Variants in UROS observed in about 807,000 individuals in gnomAD.
The protein encoded by UROS is uroporphyrinogen III synthase, also known as uroporphyrinogen-III synthase.
In UROS, 18 loss-of-function variants were observed where a neutral mutation model predicts 33.0. That is an observed-to-expected ratio of 0.55 (90% confidence interval 0.38 to 0.81). UROS has a LOEUF of 0.81. UROS is among the 30% of genes least tolerant of loss of function. The pLI, the probability that UROS is intolerant of heterozygous loss-of-function variation, is 0.00. For synonymous variants in UROS, 114 were observed against 121.1 expected (o/e 0.94, Z 0.38); for missense variants, 293 against 314.9 (o/e 0.93, Z 0.53).
downstream of UROS, chr10:125,788,463 T>A: frequency 1.1e-6 from 1 of 911,400 alleles, no homozygotes; most frequent in African/African-American, 1.7e-5. Context: ...AAACCTACTT[T>A]ATATAGAGCA....
At chr10:125,796,630 G>A (rs916695932) in intron 7 of UROS, among the ~76,000 whole-genome samples, 3 of 152,058 alleles carry the variant, frequency 2.0e-5, no homozygotes, top group Non-Finnish European at 2.9e-5. Context: ...GCCTCCACAT[G>A]GCCACGCGTC....
intron 6 of UROS, among the ~76,000 whole-genome samples, chr10:125,804,414 T>C (rs1157737458): frequency 6.6e-6 from 1 of 152,228 alleles, no homozygotes; most frequent in Non-Finnish European, 1.5e-5. Context: ...TGTTTATCTG[T>C]GTCCTTGTTA....
At chr10:125,821,224 T>G (rs990630784) in intron 1 of UROS, among the ~76,000 whole-genome samples, 9 of 152,212 alleles carry the variant, frequency 5.9e-5, no homozygotes, top group African/African-American at 2.2e-4. Flanking sequence ...AGCTAAAATG[T>G]AGAAGTAACC....
intron 5 of UROS, among the ~76,000 whole-genome samples, chr10:125,808,312 G>A (rs57383397): frequency 0.02 from 2,974 of 152,298 alleles, 104 homozygotes; most frequent in African/African-American, 0.067. Flanking sequence ...AGCCTGGTTA[G>A]TAACAAATGG....
intron 4 of UROS, among the ~76,000 whole-genome samples, chr10:125,813,379 A>T (rs1011457820): frequency 6.6e-6 from 1 of 152,252 alleles, no homozygotes; most frequent in Non-Finnish European, 1.5e-5. Flanking sequence ...TTTATTATAA[A>T]GCACCAGAAA....
chr10:125,820,884 T>A (rs904271899), intron 1 of UROS, among the ~76,000 whole-genome samples: 2 of 152,196 alleles, frequency 1.3e-5, no homozygotes, highest in African/African-American at 4.8e-5. Flanking sequence ...TGGTAAGCAA[T>A]CTACTACCTG....
At chr10:125,820,005 C>T (rs948845788) in intron 1 of UROS, among the ~76,000 whole-genome samples, 2 of 152,056 alleles carry the variant, frequency 1.3e-5, no homozygotes, top group Non-Finnish European at 2.9e-5. Flanking sequence ...AATAAGGGCA[C>T]CTTACTGGTA....
intron 6 of UROS, among the ~76,000 whole-genome samples, chr10:125,803,942 G>A (rs1795302583): frequency 1.3e-5 from 2 of 152,334 alleles, no homozygotes; most frequent in South Asian, 2.1e-4. Flanking sequence ...GAAGACCTCT[G>A]CCTTCTTTTG....
intron 9 of UROS, 178 bp from the exon 10 acceptor site, chr10:125,789,183 A>G: frequency 7.0e-7 from 1 of 1,420,180 alleles, no homozygotes; most frequent in Non-Finnish European, 9.4e-7. Flanking sequence ...AGCGTGCAAA[A>G]TACCTCTGCA....
chr10:125,798,145 C>T lies in UROS; in HGVS notation c.395G>A (p.Arg132Lys). ...AEKLAEYICS[R>K]ESSALPLLFP... ...TAGAAGAGGCAGTGCTGAGGACTCC[C>T]CTGTGAATAAATAACCAGGCTTTGT... The change falls in exon 7 of 10, where the codon AGG (arginine) becomes AAG (lysine). Residue 132 changes from arginine (R) to lysine (K), a missense_variant and splice_region_variant. Physicochemically the swap from Arg to Lys is conservative, Grantham distance 26 (BLOSUM62 2). Transcript: ENST00000368797. The T allele has an allele frequency of 6.2e-7, 1 of 1,613,726 alleles. No individual in the cohort carries two copies. The highest frequency in any genetic ancestry group is 8.5e-7 in the Non-Finnish European group (1 of 1,179,704).
Position 125,802,538 on chromosome 10 carries a change from A to G in UROS, c.395-4393T>C, listed in dbSNP as rs141946862. 6.8e-5 allele frequency: 68 copies of G among 999,272 alleles called. No individual in the cohort carries two copies. The African/African-American group carries it at 9.4e-4, about 14-fold the overall frequency. 61.9% of individuals were successfully genotyped at this position (999,272 alleles called of 1,614,324 possible). On this transcript the variant is annotated intron_variant, in intron 6 of 9. Transcript: ENST00000368797. Reference sequence around the variant, plus strand: ...CCAGAGGGCTTCTCCACACTGGTGCATGGAGAGGCCTCTTCCGAGAACACC... The same window carrying G: ...CCAGAGGGCTTCTCCACACTGGTGCGTGGAGAGGCCTCTTCCGAGAACACC...
At chr10:125,789,495 C>T (rs35711389) in intron 9 of UROS, 106 of 486,642 alleles carry the variant, frequency 2.2e-4, no homozygotes, top group African/African-American at 1.7e-3. Context: ...GACCTTGGCC[C>T]GTGGCCCATC....
chr10:125,802,060 A>G (rs1283964927), intron 6 of UROS: 6 of 985,364 alleles, frequency 6.1e-6, no homozygotes, highest in East Asian at 1.1e-4. Flanking sequence ...AGCAATGTCA[A>G]GATCTACCAT....
chr10:125,809,259 A>T (rs1852592966), intron 5 of UROS, among the ~76,000 whole-genome samples: 1 of 152,214 alleles, frequency 6.6e-6, no homozygotes, highest in African/African-American at 2.4e-5. Flanking sequence ...AGTGCCTACT[A>T]AATGGCGCCC....
Position 125,823,182 on chromosome 10 carries a change from C to G in UROS, c.-180G>C, listed in dbSNP as rs1200514471. On this transcript the variant is annotated 5_prime_UTR_variant, in exon 1 of 10. Transcript: ENST00000368797. Reference sequence around the variant, plus strand: ...AGCCCGAGGGGCCGCGGCGGCCACCCGCGCCGGGCCCCAGGACCCCGCACC... The same window carrying G: ...AGCCCGAGGGGCCGCGGCGGCCACCGGCGCCGGGCCCCAGGACCCCGCACC... 1 of 177,974 alleles carries G rather than the reference C, an allele frequency of 5.6e-6. No homozygotes were observed. Among genetic ancestry groups the G allele is most frequent in the Admixed American group, 6.2e-5 (1 of 16,014 alleles). The allele number at this position is 177,974 out of a possible 1,614,324, so 11.0% of individuals were successfully genotyped here.
chr10:125,804,004 C>G (rs1346196904), intron 6 of UROS, among the ~76,000 whole-genome samples: 2 of 152,262 alleles, frequency 1.3e-5, no homozygotes, highest in Non-Finnish European at 2.9e-5. Flanking sequence ...GTTTTCCTCC[C>G]TGTTCCAGGC....
intron 1 of UROS, among the ~76,000 whole-genome samples, chr10:125,821,153 T>C (rs904198495): frequency 1.3e-5 from 2 of 152,192 alleles, no homozygotes; most frequent in Non-Finnish European, 2.9e-5. Context: ...CCCCAAAGAA[T>C]TGAAAGCAGG....
At chr10:125,787,632 T>C (rs1162949394), downstream of UROS, among the ~76,000 whole-genome samples, 1 of 152,184 alleles carries the variant, frequency 6.6e-6, no homozygotes, top group African/African-American at 2.4e-5. Flanking sequence ...AGGTTCTTAG[T>C]TCCTGGGCAA....
At chr10:125,807,772 T>C (rs1852460847) in intron 5 of UROS, among the ~76,000 whole-genome samples, 1 of 152,084 alleles carries the variant, frequency 6.6e-6, no homozygotes, top group African/African-American at 2.4e-5. Context: ...ACCAACCACA[T>C]GGAACTGTTT....
Sources: allele counts gnomAD v4.1 joint callset (sites outside exome capture counted in the v4.1 genomes callset), GRCh38; gene constraint gnomAD v4.1.1; transcripts MANE v1.5; gene names NCBI Gene and HGNC (gene_info 2026-07-23, HGNC 2026-07-21).